Variants in VPS13D observed in about 807,000 individuals in gnomAD.
The protein encoded by VPS13D is intermembrane lipid transfer protein VPS13D.
VPS13D carries 187 observed loss-of-function variants against 461.9 expected under a neutral mutation model. The observed-to-expected ratio is 0.40, with a 90% CI of 0.36 to 0.46. VPS13D has a LOEUF of 0.46. Among genes scored for constraint, VPS13D ranks in the 20% least tolerant of loss-of-function variants. The pLI is 0.60. For synonymous variants in VPS13D, 1,951 were observed against 1,986.3 expected, an observed-to-expected ratio of 0.98 and a Z score of 0.47; for missense variants, 4,711 against 5,364.9, an observed-to-expected ratio of 0.88 and a Z score of 3.81.
At chr1:12,369,177 G>A (rs1333087802) in intron 53 of VPS13D, among the ~76,000 whole-genome samples, 5 of 152,098 alleles carry the variant, frequency 3.3e-5, no homozygotes, top group Non-Finnish European at 7.3e-5. Flanking sequence ...ACTTGGCAAA[G>A]CGTTTAAAGC....
At chr1:12,331,642 G>A (rs1643334701) in intron 37 of VPS13D, among the ~76,000 whole-genome samples, 2 of 150,520 alleles carry the variant, frequency 1.3e-5, no homozygotes, top group South Asian at 2.1e-4. Context: ...AACCCAGGAG[G>A]TGGAGATTAC....
At chr1:12,447,979 G>C (rs572150789) in intron 65 of VPS13D, among the ~76,000 whole-genome samples, 75 of 152,332 alleles carry the variant, frequency 4.9e-4, no homozygotes, top group Non-Finnish European at 5.6e-4. Context: ...GGGGGAGAAA[G>C]AGGAGGGAAC....
Position 12,383,120 on chromosome 1 carries a change from A to G in VPS13D, c.11335A>G (p.Arg3779Gly). The G allele has an allele frequency of 6.2e-7, 1 of 1,614,174 alleles. No individual in the cohort carries two copies. Among genetic ancestry groups the G allele is most frequent in the East Asian group, 2.2e-5 (1 of 44,882 alleles). ...MRPGSGMLSI[R>G]VIPDGPTRAL... Reference sequence around the variant, plus strand: ...ACCTGGTTCTGGAATGTTATCCATCAGAGTCATCCCAGATGGACCAACTAG... The same window carrying G: ...ACCTGGTTCTGGAATGTTATCCATCGGAGTCATCCCAGATGGACCAACTAG... The change falls in exon 58 of 70, where the codon AGA (arginine) becomes GGA (glycine). Residue 3779 changes from arginine to glycine, a missense_variant. This residue lies in a region of VPS13D where 4,411 missense variants were observed against 4,937.8 expected (regional missense o/e 0.89). Coordinates refer to ENST00000620676, the MANE Select transcript of VPS13D (RefSeq NM_015378.4).
At chr1:12,260,333 G>T (rs1009513238) in intron 10 of VPS13D, among the ~76,000 whole-genome samples, 3 of 152,098 alleles carry the variant, frequency 2.0e-5, no homozygotes, top group African/African-American at 7.2e-5. Context: ...CCACACTTTA[G>T]TGACTCTTAA....
Position 12,271,115 on chromosome 1 carries a change from TG to T in VPS13D, c.2095del (p.Asp699IlefsTer20), listed in dbSNP as rs1175190232. On this transcript the variant is annotated frameshift_variant, in exon 17 of 70. Coordinates refer to ENST00000620676, the MANE Select transcript of VPS13D (RefSeq NM_015378.4). LOFTEE classifies it high-confidence loss of function. ...AAACTCTTGATCGTTTGCTAGTGGGTGATTTCATTGTAAGTGGGCATCCATA... is the reference window on the plus strand; with the variant it reads ...AAACTCTTGATCGTTTGCTAGTGGGTATTTCATTGTAAGTGGGCATCCATA... ...RQTLDRLLVG[D>X]FIEESKRWTV... is the part of the protein sequence containing the mutation. 1 of 1,613,790 alleles carries T rather than the reference TG, an allele frequency of 6.2e-7. No homozygotes were observed. Among genetic ancestry groups the T allele is most frequent in the Non-Finnish European group, 8.5e-7 (1 of 1,179,934 alleles).
chr1:12,496,303 G>A (rs1557477398), intron 67 of VPS13D, among the ~76,000 whole-genome samples: 1 of 152,198 alleles, frequency 6.6e-6, no homozygotes. Context: ...TCCTTCAGAT[G>A]TCACAGCCTG....
chr1:12,393,885 G>A (rs997995272), intron 60 of VPS13D, among the ~76,000 whole-genome samples: 1 of 152,174 alleles, frequency 6.6e-6, no homozygotes, highest in Non-Finnish European at 1.5e-5. Flanking sequence ...TGGACCCACT[G>A]TAAGTCAGAC....
At chr1:12,493,184 A>T (rs945453653) in intron 67 of VPS13D, among the ~76,000 whole-genome samples, 2 of 136,064 alleles carry the variant, frequency 1.5e-5, no homozygotes, top group Non-Finnish European at 3.2e-5. Context: ...ACCAGTTATT[A>T]AAAAAAAAAA....
chr1:12,372,666 T>G (rs1376321687), intron 54 of VPS13D, among the ~76,000 whole-genome samples: 1 of 152,188 alleles, frequency 6.6e-6, no homozygotes, highest in Non-Finnish European at 1.5e-5. Context: ...CTTTTTACTT[T>G]TAGATTGTGT....
intron 60 of VPS13D, among the ~76,000 whole-genome samples, chr1:12,399,258 G>C (rs925510993): frequency 1.3e-5 from 2 of 150,014 alleles, no homozygotes; most frequent in Non-Finnish European, 3.0e-5. Flanking sequence ...GTGCAGTGGC[G>C]CTATCTCGGC....
Position 12,262,005 on chromosome 1 carries a change from A to G in VPS13D, c.1519A>G (p.Thr507Ala), listed in dbSNP as rs1641123953. 4.3e-6 allele frequency: 7 copies of G among 1,614,208 alleles called. No individual in the cohort carries two copies. Among genetic ancestry groups the G allele is most frequent in the Non-Finnish European group, 5.9e-6 (7 of 1,180,018 alleles). Reference protein sequence around the residue: ...AKLNLQLQRGTVTLLHKEQGT... With the variant: ...AKLNLQLQRGAVTLLHKEQGT... ...ACTGAATTTGCAGTTGCAGCGAGGT[A>G]CAGTGACTCTGTTACACAAGGAGCA... Residue 507 changes from threonine (T) to alanine (A), a missense_variant, in exon 13 of 70, where the codon ACA becomes GCA. By Grantham distance (58) the Thr-to-Ala change is moderately conservative. This residue lies in a region of VPS13D where 4,411 missense variants were observed against 4,937.8 expected (regional missense o/e 0.89). Coordinates refer to ENST00000620676, the MANE Select transcript of VPS13D (RefSeq NM_015378.4).
chr1:12,417,260 T>C (rs1000426281), intron 65 of VPS13D, among the ~76,000 whole-genome samples: 3 of 152,202 alleles, frequency 2.0e-5, no homozygotes, highest in Non-Finnish European at 2.9e-5. Flanking sequence ...CAACAACCTT[T>C]TAAGCCACCT....
chr1:12,501,860 G>C (rs1299935738), intron 68 of VPS13D, among the ~76,000 whole-genome samples: 1 of 152,232 alleles, frequency 6.6e-6, no homozygotes, highest in Non-Finnish European at 1.5e-5. Context: ...TGGATGAGTC[G>C]CCTGACCTTG....
At chr1:12,413,733 A>G (rs959372128) in intron 63 of VPS13D, among the ~76,000 whole-genome samples, 2 of 151,802 alleles carry the variant, frequency 1.3e-5, no homozygotes, top group African/African-American at 4.8e-5. Context: ...CAGCTTCCCA[A>G]AGTGCTGGGA....
Position 12,268,820 on chromosome 1 carries a change from C to T in VPS13D, c.1916C>T (p.Pro639Leu), listed in dbSNP as rs374591304. The T allele has an allele frequency of 3.8e-5, 62 of 1,613,588 alleles. No individual in the cohort carries two copies. Among genetic ancestry groups the T allele is most frequent in the Admixed American group, 3.2e-4 (19 of 59,938 alleles). Residue 639 changes from proline to leucine, a missense_variant, in exon 16 of 70, where the codon CCG (proline) becomes CTG (leucine). Around this residue, in one of 3 missense-constraint regions of VPS13D, gnomAD observed 4,411 missense variants for 4,937.8 expected, o/e 0.89. Transcript: ENST00000620676. ...STRPLNIIYN[P>L]QAIKKVADFF... ...AGGCCCTTGAACATCATATACAATC[C>T]GCAGGCCATTAAAAAAGTAGCAGAC...
At chr1:12,364,168 T>G (rs1419153431) in intron 52 of VPS13D, among the ~76,000 whole-genome samples, 1 of 152,112 alleles carries the variant, frequency 6.6e-6, no homozygotes, top group Non-Finnish European at 1.5e-5. Flanking sequence ...TCCCCCAAAC[T>G]CTTTTCATCT....
intron 6 of VPS13D, among the ~76,000 whole-genome samples, chr1:12,251,597 C>T (rs770578826): frequency 4.7e-4 from 72 of 152,168 alleles, no homozygotes; most frequent in Non-Finnish European, 7.8e-4. Flanking sequence ...AGAGTAACCA[C>T]GTTTCTAAGA....
intron 65 of VPS13D, among the ~76,000 whole-genome samples, chr1:12,451,343 C>G (rs937164167): frequency 6.6e-6 from 1 of 152,258 alleles, no homozygotes; most frequent in African/African-American, 2.4e-5. Flanking sequence ...TACCCCCTTG[C>G]TGAAAATATT....
intron 67 of VPS13D, among the ~76,000 whole-genome samples, chr1:12,468,409 C>A (rs775001986): frequency 2.6e-5 from 4 of 152,158 alleles, no homozygotes; most frequent in Non-Finnish European, 4.4e-5. Flanking sequence ...AAATTGAAAT[C>A]TTTAACAAGA....
Sources: allele counts gnomAD v4.1 joint callset (sites outside exome capture counted in the v4.1 genomes callset), GRCh38; gene constraint gnomAD v4.1.1; regional missense constraint gnomAD v4.1.1; transcripts MANE v1.5; gene names NCBI Gene and HGNC (gene_info 2026-07-23, HGNC 2026-07-21).